Variants in SGK3 observed in about 807,000 individuals in gnomAD.
SGK3 encodes serum/glucocorticoid regulated kinase family member 3.
Under a neutral mutation model 68.5 loss-of-function variants are expected in SGK3, and 47 were observed. The ratio of observed to expected loss-of-function variants is 0.69; its 90% CI spans 0.54 to 0.87. The LOEUF is 0.87. SGK3 is among the 40% of genes least tolerant of loss of function. The pLI is 0.00. For synonymous variants in SGK3, 181 were observed against 189.1 expected (o/e 0.96, Z 0.35); for missense variants, 479 against 575.5 (o/e 0.83, Z 1.72).
At chr8:66,796,337 T>TG (rs1807691709) in intron 2 of SGK3, among the ~76,000 whole-genome samples, 1 of 138,342 alleles carries the variant, frequency 7.2e-6, no homozygotes, top group African/African-American at 2.7e-5. Flanking sequence ...TTTTTTTTTT[T>TG]TTTTTTTTTT....
intron 1 of SGK3, among the ~76,000 whole-genome samples, chr8:66,784,712 G>A (rs2130540091): frequency 6.6e-6 from 1 of 152,162 alleles, no homozygotes; most frequent in African/African-American, 2.4e-5. Context: ...TTTAGGAAAA[G>A]CTTTAATGTT....
chr8:66,759,328 G>T (rs191907067), intron 1 of SGK3, among the ~76,000 whole-genome samples: 1 of 151,812 alleles, frequency 6.6e-6, no homozygotes, highest in East Asian at 1.9e-4. Flanking sequence ...CACGCGATCC[G>T]CCCACCTCGC....
Position 66,829,341 on chromosome 8 carries a change from A to G in SGK3, c.467+638A>G, listed in dbSNP as rs115713196. Among the ~76,000 whole-genome samples, 434 of 152,122 alleles carry G rather than the reference A, an allele frequency of 2.9e-3. 3 individuals are homozygous for G. The highest frequency in any genetic ancestry group is 0.01 in the African/African-American group (423 of 41,472). Reference sequence around the variant, plus strand: ...TGTTTTTTTATTCTAGGCTTTCCCTACCCTTTCCCTACCCTTTTGCTCTAC... The same window carrying G: ...TGTTTTTTTATTCTAGGCTTTCCCTGCCCTTTCCCTACCCTTTTGCTCTAC... On this transcript the variant is annotated intron_variant, in intron 7 of 16. Coordinates refer to ENST00000521198, the MANE Select transcript of SGK3 (RefSeq NM_001033578.3).
chr8:66,722,076 C>T (rs1804809269), intron 1 of SGK3, among the ~76,000 whole-genome samples: 1 of 152,078 alleles, frequency 6.6e-6, no homozygotes, highest in African/African-American at 2.4e-5. Flanking sequence ...CTGCTGGAGA[C>T]TCTTACAAGA....
intron 1 of SGK3, among the ~76,000 whole-genome samples, chr8:66,786,642 C>T (rs1256812664): frequency 5.9e-5 from 9 of 152,114 alleles, no homozygotes. Flanking sequence ...GTGATTTAAC[C>T]GCTTTATGTT....
intron 1 of SGK3, among the ~76,000 whole-genome samples, chr8:66,727,126 G>A (rs1317126202): frequency 1.3e-5 from 2 of 151,944 alleles, no homozygotes; most frequent in Admixed American, 6.6e-5. Flanking sequence ...TTTTGAGACA[G>A]GGTCTTCCTC....
intron 5 of SGK3, among the ~76,000 whole-genome samples, chr8:66,814,732 T>C (rs1243481407): frequency 6.6e-6 from 1 of 152,200 alleles, no homozygotes; most frequent in Non-Finnish European, 1.5e-5. Flanking sequence ...GGGTGTCTCA[T>C]GCGGACAGGT....
At chr8:66,802,881 G>A (rs1359099145) in intron 3 of SGK3, among the ~76,000 whole-genome samples, 1 of 152,002 alleles carries the variant, frequency 6.6e-6, no homozygotes, top group African/African-American at 2.4e-5. Flanking sequence ...GCCATTCCTG[G>A]TTCATCTCTA....
At chr8:66,755,846 G>C (rs1805958939) in intron 1 of SGK3, among the ~76,000 whole-genome samples, 1 of 152,236 alleles carries the variant, frequency 6.6e-6, no homozygotes, top group Admixed American at 6.5e-5. Flanking sequence ...GCTCCTATGT[G>C]AGTATAACAG....
At chr8:66,760,086 A>G (rs1225307207) in intron 1 of SGK3, among the ~76,000 whole-genome samples, 2 of 152,184 alleles carry the variant, frequency 1.3e-5, no homozygotes, top group East Asian at 1.9e-4. Context: ...TCACTGATTT[A>G]TGCAGACCTT....
chr8:66,822,209 T>G (rs72654906), intron 5 of SGK3, among the ~76,000 whole-genome samples, 163 bp from the exon 6 acceptor site: 65 of 152,232 alleles, frequency 4.3e-4, no homozygotes, highest in Non-Finnish European at 7.6e-4. Context: ...AAAAAAAAAT[T>G]AATTTGCGTA....
intron 1 of SGK3, among the ~76,000 whole-genome samples, chr8:66,784,280 GT>G (rs1807111183): frequency 6.6e-6 from 1 of 152,124 alleles, no homozygotes; most frequent in Non-Finnish European, 1.5e-5. Context: ...AGGTGCCATT[GT>G]TTCTGAACAC....
rs1810073303 is a variant in SGK3 at position 66,847,308 on chromosome 8, A to C, written c.1190A>C (p.Glu397Ala). 1.2e-6 allele frequency: 2 copies of C among 1,614,058 alleles called. No individual in the cohort carries two copies. Among genetic ancestry groups the C allele is most frequent in the African/African-American group, 2.7e-5 (2 of 75,036 alleles). Residue 397 changes from glutamate to alanine, a missense_variant, in exon 15 of 17, where the codon GAA becomes GCA. By Grantham distance (107) the Glu-to-Ala change is moderately radical. Around this residue, in one of 3 missense-constraint regions of SGK3, gnomAD observed 173 missense variants for 214.3 expected, o/e 0.81. Coordinates refer to ENST00000521198, the MANE Select transcript of SGK3 (RefSeq NM_001033578.3). ...TGGTCCATTCTGGAAGAACTCCTAGAAAAAGACAGGCAAAATCGACTTGGT... is the reference window on the plus strand; with the variant it reads ...TGGTCCATTCTGGAAGAACTCCTAGCAAAAGACAGGCAAAATCGACTTGGT... ...TAWSILEELLEKDRQNRLGAK... is the reference protein window; with the variant it reads ...TAWSILEELLAKDRQNRLGAK...
chr8:66,815,963 A>G (rs1808557843), intron 5 of SGK3, among the ~76,000 whole-genome samples: 1 of 152,198 alleles, frequency 6.6e-6, no homozygotes, highest in Non-Finnish European at 1.5e-5. Context: ...ATGATAGAAG[A>G]TATTTCCAGC....
At chr8:66,713,232 A>C (rs1368575375) in intron 1 of SGK3, among the ~76,000 whole-genome samples, 1 of 152,188 alleles carries the variant, frequency 6.6e-6, no homozygotes, top group Non-Finnish European at 1.5e-5. Context: ...TTGTCAGCGG[A>C]TCTGTAGTAA....
intron 1 of SGK3, among the ~76,000 whole-genome samples, chr8:66,779,569 T>G (rs1376748602): frequency 2.2e-3 from 224 of 100,200 alleles, no homozygotes; most frequent in Non-Finnish European, 3.2e-3. Flanking sequence ...TGAATATATA[T>G]ATATATATAT....
chr8:66,731,834 G>A (rs904775243), intron 1 of SGK3, among the ~76,000 whole-genome samples: 13 of 152,178 alleles, frequency 8.5e-5, no homozygotes, highest in African/African-American at 2.2e-4. Flanking sequence ...GCACCCGGCC[G>A]GGTATTAACA....
intron 10 of SGK3, among the ~76,000 whole-genome samples, chr8:66,838,483 G>A (rs1488463444): frequency 2.0e-5 from 3 of 152,284 alleles, no homozygotes; most frequent in African/African-American, 7.2e-5. Context: ...CTCGACTGCA[G>A]AGCCCATTCT....
chr8:66,784,788 A>G (rs1807131172), intron 1 of SGK3, among the ~76,000 whole-genome samples: 1 of 152,186 alleles, frequency 6.6e-6, no homozygotes, highest in Admixed American at 6.5e-5. Context: ...GCAATTTTTT[A>G]TCATAGCGTT....
Sources: allele counts gnomAD v4.1 joint callset (sites outside exome capture counted in the v4.1 genomes callset), GRCh38; gene constraint gnomAD v4.1.1; regional missense constraint gnomAD v4.1.1; transcripts MANE v1.5; gene names NCBI Gene and HGNC (gene_info 2026-07-23, HGNC 2026-07-21).